The following CCDC146 variants were observed in gnomAD, a reference collection of about 807,000 sequenced individuals.
CCDC146 encodes the protein coiled-coil domain-containing protein 146.
CCDC146 carries 92 observed loss-of-function variants against 119.3 expected under a neutral mutation model. The ratio of observed to expected loss-of-function variants is 0.77; its 90% confidence interval spans 0.65 to 0.92. CCDC146 has a LOEUF of 0.92. Ranked by LOEUF, CCDC146 falls within the 40% of genes least tolerant of loss-of-function variation. The probability of loss-of-function intolerance (pLI) is 0.00; values close to 1 mark genes in which losing one functional copy is unlikely to be tolerated. For missense variants in CCDC146, 1,000 were observed against 1,103.0 expected (o/e 0.91, Z 1.32); for synonymous variants, 372 against 371.8 (o/e 1.00, Z -0.01).
intron 1 of CCDC146, among the ~76,000 whole-genome samples, chr7:77,126,936 C>T (rs1790696954): frequency 6.6e-6 from 1 of 152,094 alleles, no homozygotes; most frequent in African/African-American, 2.4e-5. Context: ...CTGCCCCCTT[C>T]CACCCAAGAA....
At chr7:77,222,262 G>C (rs772556427) in intron 2 of CCDC146, among the ~76,000 whole-genome samples, 128 of 152,310 alleles carry the variant, frequency 8.4e-4, no homozygotes, top group Non-Finnish European at 1.5e-3. Context: ...GCCGTGAAAG[G>C]CTTCACTGTT....
chr7:77,202,159 TC>T (rs1308543966), intron 2 of CCDC146, among the ~76,000 whole-genome samples: 3 of 152,238 alleles, frequency 2.0e-5, no homozygotes, highest in Non-Finnish European at 2.9e-5. Context: ...TATTTATTCA[TC>T]ATAAATTGAC....
At chr7:77,189,300 G>A (rs1473575383) in intron 2 of CCDC146, among the ~76,000 whole-genome samples, 1 of 152,002 alleles carries the variant, frequency 6.6e-6, no homozygotes, top group Non-Finnish European at 1.5e-5. Flanking sequence ...TTTCTATAAT[G>A]CCTCTAATTG....
intron 10 of CCDC146, among the ~76,000 whole-genome samples, chr7:77,274,092 C>T (rs530569362): frequency 3.9e-5 from 6 of 152,230 alleles, no homozygotes; most frequent in East Asian, 3.9e-4. Flanking sequence ...TTCAAATTTT[C>T]GTTTGTTTTT....
At chr7:77,292,320 T>TTTTTTTA (rs1210752171) in intron 17 of CCDC146, among the ~76,000 whole-genome samples, 3 of 112,768 alleles carry the variant, frequency 2.7e-5, no homozygotes, top group Admixed American at 9.4e-5. Flanking sequence ...TTTTTTTTTT[T>TTTTTTTA]AAAGAACATC....
chr7:77,274,661 A>C lies in CCDC146; in HGVS notation c.1440+9A>C. 1 of 1,601,486 alleles carries C rather than the reference A, an allele frequency of 6.2e-7. No homozygotes were observed. Among genetic ancestry groups the C allele is most frequent in the Non-Finnish European group, 8.5e-7 (1 of 1,175,434 alleles). On this transcript the variant is annotated intron_variant, in intron 11 of 18. Transcript: ENST00000285871. ...ATTTCCTGAAAGCTCAGGTAACTGCATTTTTTTAACCATTCATTGATAACT... is the reference window on the plus strand; with the variant it reads ...ATTTCCTGAAAGCTCAGGTAACTGCCTTTTTTTAACCATTCATTGATAACT...
At chr7:77,160,784 A>G (rs1296520771) in intron 1 of CCDC146, among the ~76,000 whole-genome samples, 2 of 152,074 alleles carry the variant, frequency 1.3e-5, no homozygotes, top group East Asian at 1.9e-4. Flanking sequence ...CTAATTGCCA[A>G]TGGGATCTAA....
At chr7:77,133,291 G>T (rs568463153) in intron 1 of CCDC146, among the ~76,000 whole-genome samples, 1 of 152,302 alleles carries the variant, frequency 6.6e-6, no homozygotes, top group South Asian at 2.1e-4. Flanking sequence ...TACACTTAGT[G>T]CTACACTTTA....
chr7:77,139,386 G>A (rs1364783533), intron 1 of CCDC146, among the ~76,000 whole-genome samples: 6 of 152,222 alleles, frequency 3.9e-5, no homozygotes, highest in Non-Finnish European at 5.9e-5. Flanking sequence ...CATAGGCAGA[G>A]CACAAAGGAT....
At chr7:77,290,404 A>C (rs1296845542) in intron 17 of CCDC146, among the ~76,000 whole-genome samples, 2 of 151,832 alleles carry the variant, frequency 1.3e-5, no homozygotes, top group African/African-American at 4.8e-5. Context: ...AAAAAAGAAG[A>C]AAAAAAAAGT....
intron 2 of CCDC146, chr7:77,199,207 C>G: frequency 6.2e-7 from 1 of 1,613,764 alleles, no homozygotes; most frequent in Non-Finnish European, 8.5e-7. Flanking sequence ...TTGTTCTTGG[C>G]TGGGACACTT....
At chr7:77,135,463 GAGAA>G (rs1304565773) in intron 1 of CCDC146, among the ~76,000 whole-genome samples, 3 of 151,928 alleles carry the variant, frequency 2.0e-5, no homozygotes, top group South Asian at 2.1e-4. Flanking sequence ...AAAAAAGAGA[GAGAA>G]AGAAAGAAAG....
At chr7:77,178,848 T>C (rs1791539450) in intron 2 of CCDC146, among the ~76,000 whole-genome samples, 1 of 152,212 alleles carries the variant, frequency 6.6e-6, no homozygotes, top group Non-Finnish European at 1.5e-5. Flanking sequence ...TGTAAAACAG[T>C]GTCTTTAGTA....
chr7:77,198,367 C>A, intron 2 of CCDC146: 1 of 965,478 alleles, frequency 1.0e-6, no homozygotes, highest in Non-Finnish European at 1.2e-6. Context: ...ATGAGACAGT[C>A]AGCAACAGTG....
At position 77,256,443 on chromosome 7, in the gene CCDC146, A is replaced by G; in HGVS notation, c.618A>G (p.Lys206=). ...ATTTACGAGAAGATTTGGCATCTAAACAAAAGCAATTATTAAAAGAGCAGA... is the reference window on the plus strand; with the variant it reads ...ATTTACGAGAAGATTTGGCATCTAAGCAAAAGCAATTATTAAAAGAGCAGA... The part of the protein sequence containing the change: ...IKNLREDLAS[K]QKQLLKEQKE... Residue 206 remains lysine (K), a synonymous_variant, in exon 6 of 19, where the codon AAA becomes AAG. Coordinates refer to ENST00000285871, the MANE Select transcript of CCDC146 (RefSeq NM_020879.3). 1.9e-6 allele frequency: 3 copies of G among 1,610,142 alleles called. No individual in the cohort carries two copies. The highest frequency in any genetic ancestry group is 2.5e-6 in the Non-Finnish European group (3 of 1,178,890).
At chr7:77,133,464 C>T (rs1312976867) in intron 1 of CCDC146, among the ~76,000 whole-genome samples, 2 of 152,008 alleles carry the variant, frequency 1.3e-5, no homozygotes, top group African/African-American at 4.8e-5. Context: ...AATTCTCCTG[C>T]CTCATCCCCA....
chr7:77,181,857 G>T (rs574217328), intron 2 of CCDC146, among the ~76,000 whole-genome samples: 23 of 152,224 alleles, frequency 1.5e-4, no homozygotes, highest in African/African-American at 5.5e-4. Context: ...ATACCTTAAA[G>T]ACTTGTTTTT....
intron 6 of CCDC146, 65 bp downstream of exon 6, chr7:77,256,574 CAAGAGT>C: frequency 1.5e-6 from 2 of 1,296,314 alleles, no homozygotes; most frequent in Non-Finnish European, 2.2e-6. Context: ...GTGTGGGTAT[CAAGAGT>C]AACCAGCAGG....
rs540637204 is a variant in CCDC146 at position 77,187,065 on chromosome 7, G to T, written c.156+19241G>T. On this transcript the variant is annotated intron_variant, in intron 2 of 18. Coordinates refer to ENST00000285871, the MANE Select transcript of CCDC146 (RefSeq NM_020879.3). ...AAGGACTCAAATGTAGAAGTATGGA[G>T]TCCTTCTCAGGCCATATTTAGTTTG... Among the ~76,000 whole-genome samples, 7 of 152,282 alleles carry T rather than the reference G, an allele frequency of 4.6e-5. No individual in the cohort carries two copies. The South Asian group carries it at 1.2e-3, about 27-fold the overall frequency.
Sources: gnomAD v4.1 joint callset for allele counts (sites outside exome capture counted in the v4.1 genomes callset) on GRCh38, gnomAD v4.1.1 for gene constraint, MANE v1.5 for transcripts, NCBI Gene and HGNC (gene_info 2026-07-23, HGNC 2026-07-21) for gene names.